The following RAB6B variants were observed in gnomAD, a reference collection of about 807,000 sequenced individuals.
RAB6B encodes the protein RAB6B, member RAS oncogene family.
RAB6B carries 7 observed loss-of-function variants against 31.2 expected under a neutral mutation model. That is an observed-to-expected ratio of 0.22 (90% confidence interval 0.13 to 0.42). RAB6B has a LOEUF of 0.42. RAB6B is among the 10% of genes least tolerant of loss of function. RAB6B has a pLI of 1.00. For synonymous variants in RAB6B, 105 were observed against 104.9 expected, an observed-to-expected ratio of 1.00 and a Z score of -0.01; for missense variants, 149 against 280.6, an observed-to-expected ratio of 0.53 and a Z score of 3.35.
chr3:133,829,572 G>C (rs1424497361), intron 7 of RAB6B, among the ~76,000 whole-genome samples: 4 of 152,192 alleles, frequency 2.6e-5, no homozygotes, highest in African/African-American at 4.8e-5. Flanking sequence ...CTGAGGATCA[G>C]GCCCTTTGAT....
chr3:133,841,173 C>CACACACATGT (rs1935824136), intron 4 of RAB6B, 112 bp downstream of exon 4: 9 of 703,556 alleles, frequency 1.3e-5, no homozygotes, highest in South Asian at 1.2e-4. Context: ...CACACACATG[C>CACACACATGT]GTGTGCACAC....
chr3:133,838,348 G>A (rs1056941020), intron 5 of RAB6B, 89 bp from the exon 6 acceptor site: 6 of 1,180,780 alleles, frequency 5.1e-6, no homozygotes, highest in Non-Finnish European at 7.6e-6. Context: ...AGGGCAGAGG[G>A]AGCCCACTGG....
intron 1 of RAB6B, among the ~76,000 whole-genome samples, chr3:133,889,436 A>ATC (rs1936604633): frequency 4.5e-5 from 3 of 66,264 alleles, no homozygotes; most frequent in Admixed American, 1.5e-4. Flanking sequence ...ATATATATAT[A>ATC]TATATATATT....
chr3:133,828,113 G>C lies in RAB6B; in HGVS notation c.*675C>G, dbSNP rs1352948333. 1 of 637,334 alleles carries C rather than the reference G, an allele frequency of 1.6e-6. No homozygotes were observed. Among genetic ancestry groups the C allele is most frequent in the Non-Finnish European group, 2.8e-6 (1 of 350,900 alleles). The allele number at this position is 637,334 out of a possible 1,614,324, so 39.5% of individuals were successfully genotyped here. On this transcript the variant is annotated 3_prime_UTR_variant, in exon 8 of 8. Coordinates refer to ENST00000285208, the MANE Select transcript of RAB6B (RefSeq NM_016577.4). ...AAGGAGAGGTGGGAGCAGTTCCTCT[G>C]GGGGCTGCTGCCGGGCTGCCTAGAG...
At chr3:133,829,417 G>C (rs1935623733) in intron 7 of RAB6B, among the ~76,000 whole-genome samples, 1 of 152,208 alleles carries the variant, frequency 6.6e-6, no homozygotes, top group African/African-American at 2.4e-5. Flanking sequence ...TGCCCCCGGG[G>C]GCTGTGGGCT....
chr3:133,841,491 TCACCA>T, intron 3 of RAB6B, 101 bp from the exon 4 acceptor site: 2 of 1,526,532 alleles, frequency 1.3e-6, no homozygotes, highest in Non-Finnish European at 1.8e-6. Flanking sequence ...AATGCTGGCA[TCACCA>T]GCTCCAGCCC....
chr3:133,868,848 T>G (rs1286320987), intron 1 of RAB6B, among the ~76,000 whole-genome samples: 2 of 152,114 alleles, frequency 1.3e-5, no homozygotes, highest in Admixed American at 1.3e-4. Context: ...GGCACTTTAT[T>G]TAGGTTCTCT....
Position 133,828,484 on chromosome 3 carries a change from T to C in RAB6B, c.*304A>G. On this transcript the variant is annotated 3_prime_UTR_variant, in exon 8 of 8. Coordinates refer to ENST00000285208, the MANE Select transcript of RAB6B (RefSeq NM_016577.4). The stretch of plus-strand genomic sequence containing the variant: ...AAATAAAAATGACTACATTTTTATC[T>C]GGCAAAAAATTGTATACACATGATT... 9.2e-6 allele frequency: 4 copies of C among 435,032 alleles called. No homozygotes were observed. Among genetic ancestry groups the C allele is most frequent in the Non-Finnish European group, 1.6e-5 (4 of 245,646 alleles). 26.9% of individuals were successfully genotyped at this position (435,032 alleles called of 1,614,324 possible).
chr3:133,842,781 G>C (rs1317353766), intron 2 of RAB6B, among the ~76,000 whole-genome samples: 4 of 152,226 alleles, frequency 2.6e-5, no homozygotes, highest in Admixed American at 2.6e-4. Context: ...GGTCTGAATA[G>C]TGACAGAGCA....
intron 1 of RAB6B, among the ~76,000 whole-genome samples, chr3:133,882,845 C>T (rs144174740): frequency 3.9e-5 from 6 of 152,330 alleles, no homozygotes; most frequent in African/African-American, 1.4e-4. Context: ...GAGTCAGGGT[C>T]AGGTGGCTAG....
chr3:133,849,879 G>A (rs1935954258), intron 2 of RAB6B, among the ~76,000 whole-genome samples: 1 of 152,144 alleles, frequency 6.6e-6, no homozygotes, highest in Non-Finnish European at 1.5e-5. Context: ...CTTTTAAGAG[G>A]GCCTTGGCTG....
At chr3:133,883,520 C>A (rs1415429139) in intron 1 of RAB6B, among the ~76,000 whole-genome samples, 1 of 152,200 alleles carries the variant, frequency 6.6e-6, no homozygotes, top group Non-Finnish European at 1.5e-5. Context: ...AACAAGCCCC[C>A]ATCTGTGTCT....
chr3:133,878,590 T>C (rs1219101255), intron 1 of RAB6B, among the ~76,000 whole-genome samples: 2 of 152,242 alleles, frequency 1.3e-5, no homozygotes, highest in East Asian at 1.9e-4. Flanking sequence ...TGCGGATTTA[T>C]ACAATGGAAT....
intron 7 of RAB6B, among the ~76,000 whole-genome samples, chr3:133,832,228 A>C (rs1403433003): frequency 6.6e-6 from 1 of 152,150 alleles, no homozygotes; most frequent in Non-Finnish European, 1.5e-5. Flanking sequence ...TTGTGTATGT[A>C]GAACCAGTAA....
In RAB6B at chr3:133,889,425, T is replaced by C. The variant is rs1424557819; in HGVS notation, c.70+5972A>G. Among the ~76,000 whole-genome samples the C allele has an allele frequency of 5.9e-5, 4 of 67,424 alleles. No individual in the cohort carries two copies. In the South Asian group the frequency reaches 1.7e-3, roughly 28 times the overall value. 44.2% of individuals were successfully genotyped at this position (67,424 alleles called of 152,430 possible). ...ATATATATATATATATATATATATATATATATATATATATATATATTTATT... is the reference window on the plus strand; with the variant it reads ...ATATATATATATATATATATATATACATATATATATATATATATATTTATT... On this transcript the variant is annotated intron_variant, in intron 1 of 7. Coordinates refer to ENST00000285208, the MANE Select transcript of RAB6B (RefSeq NM_016577.4).
intron 1 of RAB6B, among the ~76,000 whole-genome samples, chr3:133,888,160 G>A (rs1199513828): frequency 6.6e-6 from 1 of 152,218 alleles, no homozygotes; most frequent in Non-Finnish European, 1.5e-5. Flanking sequence ...CAAGAGGTCT[G>A]ATAGTCCACT....
chr3:133,849,838 C>T (rs1935953685), intron 2 of RAB6B, among the ~76,000 whole-genome samples: 1 of 152,202 alleles, frequency 6.6e-6, no homozygotes, highest in Non-Finnish European at 1.5e-5. Flanking sequence ...AGAGAAAAGT[C>T]AGCTCTCTAA....
At chr3:133,864,472 A>C in intron 2 of RAB6B, 112 bp downstream of exon 2, 2 of 1,110,396 alleles carry the variant, frequency 1.8e-6, no homozygotes, top group East Asian at 4.7e-5. Context: ...CTCCATAGCA[A>C]AATGACAGCC....
At chr3:133,885,448 C>CCAGAGGA (rs1413771248) in intron 1 of RAB6B, 1 of 699,492 alleles carries the variant, frequency 1.4e-6, no homozygotes, top group African/African-American at 1.8e-5. Context: ...TACCCAGTGA[C>CCAGAGGA]CAGAGGACAG....
Sources: gnomAD v4.1 joint callset for allele counts (sites outside exome capture counted in the v4.1 genomes callset) on GRCh38, gnomAD v4.1.1 for gene constraint, MANE v1.5 for transcripts, NCBI Gene and HGNC (gene_info 2026-07-23, HGNC 2026-07-21) for gene names.